IL34: variants seen among roughly 807,000 people sequenced by gnomAD.
The protein encoded by IL34 is interleukin 34.
Under a neutral mutation model 25.3 loss-of-function variants are expected in IL34, and 17 were observed. The ratio of observed to expected loss-of-function variants is 0.67; its 90% confidence interval spans 0.46 to 1.01. IL34 has a LOEUF of 1.01. Ranked by LOEUF, IL34 falls within the 50% of genes least tolerant of loss-of-function variation. The pLI is 0.00. For synonymous variants in IL34, 174 were observed against 140.9 expected (o/e 1.23, Z -1.66); for missense variants, 368 against 312.9 (o/e 1.18, Z -1.33).
At chr16:70,659,842 G>T in intron 5 of IL34, 89 bp downstream of exon 5, 1 of 1,514,818 alleles carries the variant, frequency 6.6e-7, no homozygotes, top group Non-Finnish European at 8.9e-7. Flanking sequence ...GCGTCCTCCC[G>T]GGCATATCCT....
chr16:70,657,883 T>A (rs1325280212), intron 4 of IL34, among the ~76,000 whole-genome samples: 2 of 152,222 alleles, frequency 1.3e-5, no homozygotes, highest in Non-Finnish European at 2.9e-5. Context: ...GTGTGAGCCC[T>A]AATGTAAATT....
intron 1 of IL34, among the ~76,000 whole-genome samples, chr16:70,599,698 A>G (rs1364634542): frequency 6.8e-6 from 1 of 146,910 alleles, no homozygotes; most frequent in African/African-American, 2.6e-5. Context: ...TTTTGGAGAC[A>G]GGGTCTTGCT....
intron 1 of IL34, among the ~76,000 whole-genome samples, chr16:70,613,133 T>G (rs916144325): frequency 6.6e-6 from 1 of 152,124 alleles, no homozygotes; most frequent in Admixed American, 6.6e-5. Flanking sequence ...GCAGGGCCGG[T>G]CGAAGGGGTG....
At chr16:70,621,798 G>A (rs898736156) in intron 1 of IL34, among the ~76,000 whole-genome samples, 4 of 152,006 alleles carry the variant, frequency 2.6e-5, no homozygotes, top group Admixed American at 1.3e-4. Context: ...GTTCTCTGGC[G>A]GGCAGGAGTG....
At chr16:70,623,966 G>A (rs1364625801) in intron 1 of IL34, among the ~76,000 whole-genome samples, 8 of 127,944 alleles carry the variant, frequency 6.3e-5, no homozygotes, top group Admixed American at 2.3e-4. Flanking sequence ...TTAAGGCGAC[G>A]GACTTACCTT....
chr16:70,644,065 C>T (rs1163875381), upstream of IL34, among the ~76,000 whole-genome samples: 5 of 152,188 alleles, frequency 3.3e-5, no homozygotes, highest in Non-Finnish European at 5.9e-5. Flanking sequence ...ACCTCCGCCT[C>T]CTGGGTTCCA....
chr16:70,654,783 C>T lies in IL34; in HGVS notation c.162+112C>T, dbSNP rs556969963. Reference sequence around the variant, plus strand: ...AGGACCTGTGTCAGCCCTGAGCCGACCATGGCCTGTTTCTCTGCCTTTCTC... The same window carrying T: ...AGGACCTGTGTCAGCCCTGAGCCGATCATGGCCTGTTTCTCTGCCTTTCTC... On this transcript the variant is annotated intron_variant, in intron 2 of 5. Transcript: ENST00000288098. 7.1e-5 allele frequency: 95 copies of T among 1,340,464 alleles called. No individual in the cohort carries two copies. In the African/African-American group the frequency reaches 1.2e-3, roughly 17 times the overall value. 83.0% of individuals were successfully genotyped at this position (1,340,464 alleles called of 1,614,324 possible). A position where few individuals can be genotyped will look rare whatever the true frequency, so the allele number is the denominator to read the frequency against.
At chr16:70,645,843 A>G (rs1171428496), upstream of IL34, among the ~76,000 whole-genome samples, 2 of 152,146 alleles carry the variant, frequency 1.3e-5, no homozygotes, top group African/African-American at 4.8e-5. Flanking sequence ...ACTTGAGTCC[A>G]GGAGTTTGAG....
chr16:70,587,013 C>T (rs939732000), intron 1 of IL34, among the ~76,000 whole-genome samples: 1 of 152,208 alleles, frequency 6.6e-6, no homozygotes, highest in Non-Finnish European at 1.5e-5. Flanking sequence ...CTGCTCCTGC[C>T]TGCGTGAGAT....
At chr16:70,654,818 C>T (rs929296946) in intron 2 of IL34, 147 bp downstream of exon 2, 5 of 1,036,676 alleles carry the variant, frequency 4.8e-6, no homozygotes, top group South Asian at 2.0e-5. Flanking sequence ...CCGAAACCTA[C>T]CCATGCACCT....
chr16:70,633,453 C>T (rs1222540250), intron 1 of IL34, among the ~76,000 whole-genome samples: 1 of 152,006 alleles, frequency 6.6e-6, no homozygotes, highest in Non-Finnish European at 1.5e-5. Flanking sequence ...TCTCTAGAGA[C>T]GTGGTCTCCC....
At chr16:70,646,558 C>A, upstream of IL34, 1 of 248,314 alleles carries the variant, frequency 4.0e-6, no homozygotes, top group Non-Finnish European at 7.6e-6. Context: ...AGCCAGATTT[C>A]ACACTGAGCA....
At chr16:70,597,102 C>T (rs894498058) in intron 1 of IL34, among the ~76,000 whole-genome samples, 3 of 152,154 alleles carry the variant, frequency 2.0e-5, no homozygotes, top group South Asian at 4.1e-4. Context: ...CCTTCTCCTC[C>T]GTTGTGCTCT....
intron 1 of IL34, among the ~76,000 whole-genome samples, chr16:70,630,717 G>T (rs915092710): frequency 6.6e-6 from 1 of 151,688 alleles, no homozygotes; most frequent in Non-Finnish European, 1.5e-5. Flanking sequence ...GTGACTACAG[G>T]CACACCACCA....
intron 1 of IL34, among the ~76,000 whole-genome samples, chr16:70,595,208 A>T (rs1217363585): frequency 2.0e-5 from 3 of 151,914 alleles, no homozygotes; most frequent in Admixed American, 2.0e-4. Context: ...TGATCCGCCC[A>T]CCTCGGCCTC....
chr16:70,612,222 T>A (rs1237371445), intron 1 of IL34, among the ~76,000 whole-genome samples: 1 of 151,996 alleles, frequency 6.6e-6, no homozygotes, highest in Non-Finnish European at 1.5e-5. Flanking sequence ...TCCTTCCAGC[T>A]TTAAGAGTCT....
intron 1 of IL34, among the ~76,000 whole-genome samples, chr16:70,617,531 G>A (rs1393720455): frequency 6.6e-6 from 1 of 152,174 alleles, no homozygotes; most frequent in African/African-American, 2.4e-5. Flanking sequence ...GAATGAGACT[G>A]GGGCCTAATA....
Position 70,646,917 on chromosome 16 carries a change from C to T in IL34, c.-31C>T. The T allele has an allele frequency of 6.8e-7, 1 of 1,481,314 alleles. No homozygotes were observed. Among genetic ancestry groups the T allele is most frequent in the Non-Finnish European group, 8.9e-7 (1 of 1,120,756 alleles). 91.8% of individuals were successfully genotyped at this position (1,481,314 alleles called of 1,614,324 possible). ...GTGGACACACTGCTGGGGACGGCGC[C>T]TGAGCTCTCAGGGGGACGAGGAACA... On this transcript the variant is annotated 5_prime_UTR_variant, in exon 1 of 6. Transcript: ENST00000288098.
chr16:70,631,653 AAG>A (rs2051520710), intron 1 of IL34, among the ~76,000 whole-genome samples: 1 of 152,140 alleles, frequency 6.6e-6, no homozygotes, highest in African/African-American at 2.4e-5. Context: ...AAAAATAAAA[AAG>A]TTAAAATAGT....
Sources: gnomAD v4.1 joint callset for allele counts (sites outside exome capture counted in the v4.1 genomes callset) on GRCh38, gnomAD v4.1.1 for gene constraint, MANE v1.5 for transcripts, NCBI Gene and HGNC (gene_info 2026-07-23, HGNC 2026-07-21) for gene names.